The following PPP3CA variants were observed in gnomAD, a reference collection of about 807,000 sequenced individuals.
The protein encoded by PPP3CA is protein phosphatase 3 catalytic subunit alpha.
A neutral mutation model predicts 66.5 loss-of-function variants in PPP3CA; 14 were observed. The observed-to-expected ratio is 0.21, with a 90% CI of 0.14 to 0.33. The LOEUF (loss-of-function observed/expected upper bound fraction) is 0.33. Among genes scored for constraint, PPP3CA ranks in the 10% least tolerant of loss-of-function variants. The pLI is 1.00. For synonymous variants in PPP3CA, 232 were observed against 226.2 expected (o/e 1.03, Z -0.23); for missense variants, 317 against 639.5 (o/e 0.50, Z 5.44).
chr4:101,145,462 C>A (rs947315000), intron 2 of PPP3CA, among the ~76,000 whole-genome samples: 5 of 152,082 alleles, frequency 3.3e-5, no homozygotes, highest in African/African-American at 1.2e-4. Flanking sequence ...AGAATGAGAT[C>A]CTGTTATTTG....
At chr4:101,324,089 CAG>C (rs1729122885) in intron 1 of PPP3CA, among the ~76,000 whole-genome samples, 2 of 146,542 alleles carry the variant, frequency 1.4e-5, no homozygotes, top group South Asian at 4.3e-4. Flanking sequence ...GCCTGGGTGA[CAG>C]AGTGAGACAA....
chr4:101,037,250 T>C (rs28393983), intron 11 of PPP3CA, among the ~76,000 whole-genome samples: 58,291 of 152,060 alleles, frequency 0.38, 13,505 homozygotes, highest in African/African-American at 0.65. Flanking sequence ...AGGACAATTG[T>C]TGTCCTGCCT....
At chr4:101,301,820 T>A (rs927106343) in intron 1 of PPP3CA, among the ~76,000 whole-genome samples, 17 of 146,786 alleles carry the variant, frequency 1.2e-4, no homozygotes, top group African/African-American at 3.0e-4. Flanking sequence ...GCACCATATT[T>A]TATATATATA....
chr4:101,126,563 T>C (rs1439146473), intron 2 of PPP3CA, among the ~76,000 whole-genome samples: 3 of 152,218 alleles, frequency 2.0e-5, no homozygotes, highest in Non-Finnish European at 4.4e-5. Flanking sequence ...GACTGATTAC[T>C]ATGGAAATTC....
rs72929341 is a variant in PPP3CA, at chr4:101,117,335, C to T, written c.260-8257G>A. On this transcript the variant is annotated intron_variant, in intron 2 of 13. Transcript: ENST00000394854. The stretch of plus-strand genomic sequence containing the variant: ...ATTTTATCAAAGGCCCAAGCATATA[C>T]AATACCATCATTATGACCACAGTGT... Among the ~76,000 whole-genome samples, 609 of 151,872 alleles carry T rather than the reference C, an allele frequency of 4.0e-3. 4 individuals are homozygous for T. Among genetic ancestry groups the T allele is most frequent in the African/African-American group, 0.014 (571 of 41,498 alleles).
At chr4:101,097,866 T>C (rs1334711617) in intron 5 of PPP3CA, among the ~76,000 whole-genome samples, 1 of 152,162 alleles carries the variant, frequency 6.6e-6, no homozygotes, top group Non-Finnish European at 1.5e-5. Flanking sequence ...AAAAGTCCAG[T>C]TTTTCACTCA....
intron 1 of PPP3CA, among the ~76,000 whole-genome samples, chr4:101,227,518 G>C (rs1284129620): frequency 6.6e-6 from 1 of 151,708 alleles, no homozygotes; most frequent in African/African-American, 2.4e-5. Context: ...GTGGTGCTTA[G>C]AGGAGAGTGA....
At chr4:101,285,730 A>G (rs1369767510) in intron 1 of PPP3CA, among the ~76,000 whole-genome samples, 2 of 151,902 alleles carry the variant, frequency 1.3e-5, no homozygotes, top group African/African-American at 4.8e-5. Context: ...CACGACCCAC[A>G]AAGTCAACAA....
chr4:101,114,342 T>C (rs1560609245), intron 2 of PPP3CA, among the ~76,000 whole-genome samples: 1 of 152,126 alleles, frequency 6.6e-6, no homozygotes, highest in South Asian at 2.1e-4. Flanking sequence ...GCATTACTAT[T>C]CATATCTGTT....
At chr4:101,125,924 C>A (rs1387338213) in intron 2 of PPP3CA, among the ~76,000 whole-genome samples, 1 of 152,196 alleles carries the variant, frequency 6.6e-6, no homozygotes, top group East Asian at 1.9e-4. Flanking sequence ...TCACTTTCTT[C>A]TCACTTTCAA....
chr4:101,273,885 G>A (rs1727409844), intron 1 of PPP3CA, among the ~76,000 whole-genome samples: 1 of 151,868 alleles, frequency 6.6e-6, no homozygotes, highest in African/African-American at 2.4e-5. Flanking sequence ...CTTGGGCCAA[G>A]AAGCAATAGC....
intron 6 of PPP3CA, among the ~76,000 whole-genome samples, chr4:101,088,131 C>A (rs920666896): frequency 4.0e-5 from 6 of 151,842 alleles, no homozygotes; most frequent in African/African-American, 1.2e-4. Flanking sequence ...TCTCTCTCTC[C>A]CCCTCCCCAC....
At chr4:101,251,707 T>A (rs1457615054) in intron 1 of PPP3CA, among the ~76,000 whole-genome samples, 2 of 152,044 alleles carry the variant, frequency 1.3e-5, no homozygotes, top group African/African-American at 4.8e-5. Context: ...ATAATAATAA[T>A]AAATATATAA....
chr4:101,300,753 C>A (rs1054669729), intron 1 of PPP3CA, among the ~76,000 whole-genome samples: 3 of 152,190 alleles, frequency 2.0e-5, no homozygotes, highest in Non-Finnish European at 4.4e-5. Flanking sequence ...CAAGATCGCA[C>A]CACTACACTC....
At chr4:101,288,011 A>C (rs1387914785) in intron 1 of PPP3CA, among the ~76,000 whole-genome samples, 1 of 152,170 alleles carries the variant, frequency 6.6e-6, no homozygotes, top group East Asian at 1.9e-4. Context: ...CCTTCAAGAA[A>C]GCCCTTTGCC....
chr4:101,092,734 A>G (rs189709145), intron 6 of PPP3CA, among the ~76,000 whole-genome samples: 2 of 152,190 alleles, frequency 1.3e-5, no homozygotes, highest in African/African-American at 4.8e-5. Flanking sequence ...GGGCAAAAAT[A>G]ATAGTTCTTA....
intron 1 of PPP3CA, among the ~76,000 whole-genome samples, chr4:101,331,740 T>C (rs552565409): frequency 8.5e-5 from 13 of 152,288 alleles, no homozygotes; most frequent in African/African-American, 2.9e-4. Context: ...AGAATACACA[T>C]ATAAATAAAA....
chr4:101,114,764 G>A (rs1346999766), intron 2 of PPP3CA, among the ~76,000 whole-genome samples: 1 of 152,016 alleles, frequency 6.6e-6, no homozygotes. Context: ...TTTTCACAAA[G>A]GAGTGGTGCC....
chr4:101,226,673 T>C (rs906309004), intron 1 of PPP3CA, among the ~76,000 whole-genome samples: 2 of 151,692 alleles, frequency 1.3e-5, no homozygotes, highest in African/African-American at 4.8e-5. Context: ...CCTTTACAAG[T>C]AACATTTTTA....
Sources: allele counts gnomAD v4.1 joint callset (sites outside exome capture counted in the v4.1 genomes callset), GRCh38; gene constraint gnomAD v4.1.1; transcripts MANE v1.5; gene names NCBI Gene and HGNC (gene_info 2026-07-23, HGNC 2026-07-21).